RTN1: variants seen among roughly 807,000 people sequenced by gnomAD.
RTN1 encodes reticulon-1.
In RTN1, 25 loss-of-function variants were observed where a neutral mutation model predicts 65.5. The ratio of observed to expected loss-of-function variants is 0.38; its 90% CI spans 0.28 to 0.53. The LOEUF is 0.53. Among genes scored for constraint, RTN1 ranks in the 20% least tolerant of loss-of-function variants. The pLI, the probability that RTN1 is intolerant of heterozygous loss-of-function variation, is 0.79. For missense variants in RTN1, 983 were observed against 1,025.4 expected (o/e 0.96, Z 0.57); for synonymous variants, 471 against 447.6 (o/e 1.05, Z -0.66).
At chr14:59,671,191 G>A (rs1446815901) in intron 3 of RTN1, among the ~76,000 whole-genome samples, 1 of 151,840 alleles carries the variant, frequency 6.6e-6, no homozygotes, top group Non-Finnish European at 1.5e-5. Context: ...TCATACTTGT[G>A]GAAAAAAAAG....
intron 1 of RTN1, among the ~76,000 whole-genome samples, chr14:59,864,383 T>C (rs1193262866): frequency 6.6e-6 from 1 of 152,172 alleles, no homozygotes; most frequent in African/African-American, 2.4e-5. Context: ...GTTGTGTCAC[T>C]TCCTTCAAGT....
intron 1 of RTN1, among the ~76,000 whole-genome samples, chr14:59,758,047 C>G (rs988882402): frequency 1.3e-5 from 2 of 152,132 alleles, no homozygotes; most frequent in Non-Finnish European, 2.9e-5. Context: ...TTCATCCTTT[C>G]CTCCTTCCTA....
intron 3 of RTN1, among the ~76,000 whole-genome samples, chr14:59,697,349 T>G (rs1193780960): frequency 1.3e-5 from 2 of 152,188 alleles, no homozygotes; most frequent in African/African-American, 4.8e-5. Flanking sequence ...GATGATGTGC[T>G]TGAGACTACC....
At chr14:59,715,858 G>C (rs1212058466) in intron 3 of RTN1, among the ~76,000 whole-genome samples, 1 of 151,012 alleles carries the variant, frequency 6.6e-6, no homozygotes, top group African/African-American at 2.4e-5. Flanking sequence ...CTAACAAAGA[G>C]AGAAGGAAGA....
At chr14:59,676,722 C>T (rs1883635871) in intron 3 of RTN1, among the ~76,000 whole-genome samples, 1 of 152,130 alleles carries the variant, frequency 6.6e-6, no homozygotes, top group South Asian at 2.1e-4. Flanking sequence ...CTGGATCCAT[C>T]CCCAATCAAT....
At chr14:59,688,122 A>G (rs1348651956) in intron 3 of RTN1, among the ~76,000 whole-genome samples, 2 of 151,514 alleles carry the variant, frequency 1.3e-5, no homozygotes, top group African/African-American at 2.4e-5. Context: ...GGCCCTCTCT[A>G]CTCGATGCTC....
rs34220909 is a variant in RTN1 at position 59,792,359 on chromosome 14, T to TCACACACACACACACA, written c.242-45894_242-45879dup. Among the ~76,000 whole-genome samples, 26 of 144,894 alleles carry TCACACACACACACACA rather than the reference T, an allele frequency of 1.8e-4. 1 individual carries two copies. The highest frequency in any genetic ancestry group is 9.0e-4 in the Admixed American group (13 of 14,426). On this transcript the variant is annotated intron_variant, in intron 1 of 8. Transcript: ENST00000267484. Reference sequence around the variant, plus strand: ...AGTCTGAGAGAAAAGAGAAAAGACTTCACACACACACACACACACACACAC... The same window carrying TCACACACACACACACA: ...AGTCTGAGAGAAAAGAGAAAAGACTTCACACACACACACACACACACACACACACACACACACACAC...
At chr14:59,770,103 C>T (rs1013918604) in intron 1 of RTN1, among the ~76,000 whole-genome samples, 5 of 152,010 alleles carry the variant, frequency 3.3e-5, no homozygotes, top group South Asian at 2.1e-4. Context: ...AGGGGCCAGG[C>T]GTGGTGGCTC....
intron 3 of RTN1, among the ~76,000 whole-genome samples, chr14:59,626,478 G>A (rs999979423): frequency 3.3e-5 from 5 of 152,188 alleles, no homozygotes; most frequent in Admixed American, 2.0e-4. Context: ...TAAGCATCCT[G>A]CCAGGTGAAT....
chr14:59,608,900 G>A (rs1164713449), intron 3 of RTN1, among the ~76,000 whole-genome samples: 1 of 151,414 alleles, frequency 6.6e-6, no homozygotes, highest in Non-Finnish European at 1.5e-5. Flanking sequence ...GGTTTCCAGA[G>A]GCAAAAATAA....
Position 59,762,150 on chromosome 14 carries a change from T to G in RTN1, c.242-15669A>C, listed in dbSNP as rs115443076. ...GGCATAGTGTGTGGTGTGGTATGCT[T>G]CATGGTTACAGCATTCCATCGTAGA... On this transcript the variant is annotated intron_variant, in intron 1 of 8. Transcript: ENST00000267484. 1.9e-3 allele frequency among the ~76,000 whole-genome samples: 288 copies of G among 152,192 alleles called. 1 individual carries two copies. Among genetic ancestry groups the G allele is most frequent in the African/African-American group, 6.8e-3 (282 of 41,510 alleles).
intron 1 of RTN1, among the ~76,000 whole-genome samples, chr14:59,750,352 A>T (rs377314776): frequency 2.9e-4 from 5 of 17,102 alleles, no homozygotes; most frequent in African/African-American, 9.4e-4. Flanking sequence ...TATAATATAT[A>T]TTATATCTAT....
chr14:59,679,783 A>T (rs1883706449), intron 3 of RTN1, among the ~76,000 whole-genome samples: 1 of 152,216 alleles, frequency 6.6e-6, no homozygotes, highest in African/African-American at 2.4e-5. Context: ...CTGAAATATC[A>T]TAATTTTCCA....
chr14:59,708,853 A>G (rs1375947186), intron 3 of RTN1, among the ~76,000 whole-genome samples: 1 of 152,236 alleles, frequency 6.6e-6, no homozygotes, highest in Non-Finnish European at 1.5e-5. Context: ...GAGGAATTTC[A>G]TAAGAAAATA....
intron 3 of RTN1, among the ~76,000 whole-genome samples, chr14:59,633,690 A>C (rs974407904): frequency 2.0e-5 from 3 of 152,256 alleles, no homozygotes; most frequent in Non-Finnish European, 4.4e-5. Flanking sequence ...GACGGGCTTT[A>C]TCTGCAGCCA....
chr14:59,840,538 G>T (rs1887292010), intron 1 of RTN1, among the ~76,000 whole-genome samples: 1 of 152,186 alleles, frequency 6.6e-6, no homozygotes, highest in Non-Finnish European at 1.5e-5. Flanking sequence ...AGGAGTAAAT[G>T]CGATGTGGTC....
intron 1 of RTN1, among the ~76,000 whole-genome samples, chr14:59,755,262 C>A (rs1421842613): frequency 1.3e-5 from 2 of 152,094 alleles, no homozygotes; most frequent in African/African-American, 4.8e-5. Flanking sequence ...TTACCCTTCT[C>A]CCTGGAATTA....
chr14:59,699,631 A>G (rs997622153), intron 3 of RTN1, among the ~76,000 whole-genome samples: 6 of 152,194 alleles, frequency 3.9e-5, no homozygotes, highest in Non-Finnish European at 8.8e-5. Flanking sequence ...GACAAAAAGG[A>G]GAAGTTTGAG....
At chr14:59,780,819 T>C (rs1260006229) in intron 1 of RTN1, among the ~76,000 whole-genome samples, 2 of 152,154 alleles carry the variant, frequency 1.3e-5, no homozygotes, top group African/African-American at 2.4e-5. Context: ...GCAATATCAT[T>C]AGTTCCACAA....
Sources: allele counts gnomAD v4.1 joint callset (sites outside exome capture counted in the v4.1 genomes callset), GRCh38; gene constraint gnomAD v4.1.1; transcripts MANE v1.5; gene names NCBI Gene and HGNC (gene_info 2026-07-23, HGNC 2026-07-21).